ATP10B: variants seen among roughly 807,000 people sequenced by gnomAD.
The protein encoded by ATP10B is ATPase phospholipid transporting 10B (putative), also known as phospholipid-transporting ATPase VB.
In ATP10B, 122 loss-of-function variants were observed where a neutral mutation model predicts 141.2. That is an observed-to-expected ratio of 0.86 (90% confidence interval 0.75 to 1.00). The LOEUF (loss-of-function observed/expected upper bound fraction) is 1.00, where lower values mean the gene tolerates loss of function less well. Among genes scored for constraint, ATP10B ranks in the 50% least tolerant of loss-of-function variants. ATP10B has a pLI of 0.00. For missense variants in ATP10B, 1,876 were observed against 1,825.3 expected, an observed-to-expected ratio of 1.03 and a Z score of -0.51; for synonymous variants, 685 against 692.0, an observed-to-expected ratio of 0.99 and a Z score of 0.16.
At chr5:160,820,411 CAAA>C (rs950837575) in intron 1 of ATP10B, among the ~76,000 whole-genome samples, 1 of 150,976 alleles carries the variant, frequency 6.6e-6, no homozygotes, top group Non-Finnish European at 1.5e-5. Flanking sequence ...CAGAAAAAAA[CAAA>C]AAAAAGCCTG....
the ATP10B span, among the ~76,000 whole-genome samples, chr5:160,884,359 C>T: frequency 2.0e-5 from 3 of 152,064 alleles, no homozygotes; most frequent in African/African-American, 4.8e-5. Flanking sequence ...CAGTATTTTC[C>T]AAGAAGGGGA....
rs747448772 is a variant in ATP10B, at chr5:160,612,794, A to C, written c.2785T>G (p.Cys929Gly). 1.2e-6 allele frequency: 2 copies of C among 1,614,078 alleles called. No homozygotes were observed. ...GTGTCGGTCTGATTTAACAGTCTGC[A>C]GGAATGGGCAATGTTGACCGCTGTC... ...QETAVNIAHS[C>G]RLLNQTDTVY... Residue 929 changes from cysteine to glycine, a missense_variant, in exon 18 of 26, where the codon TGC becomes GGC. Coordinates refer to ENST00000327245, the MANE Select transcript of ATP10B (RefSeq NM_025153.3).
At chr5:160,690,179 T>C (rs1763989172) in intron 3 of ATP10B, among the ~76,000 whole-genome samples, 1 of 152,198 alleles carries the variant, frequency 6.6e-6, no homozygotes, top group Non-Finnish European at 1.5e-5. Flanking sequence ...CTGGACACCT[T>C]CCTTACACAT....
At chr5:160,658,917 A>G (rs1761697795) in intron 7 of ATP10B, among the ~76,000 whole-genome samples, 2 of 152,178 alleles carry the variant, frequency 1.3e-5, no homozygotes, top group Non-Finnish European at 2.9e-5. Context: ...TTTGAATTAC[A>G]GTTCTGTCAC....
the ATP10B span, among the ~76,000 whole-genome samples, chr5:160,927,589 G>A: frequency 6.6e-6 from 1 of 152,226 alleles, no homozygotes; most frequent in Non-Finnish European, 1.5e-5. Flanking sequence ...GAGCAGAGGT[G>A]TTGAATGAGA....
chr5:160,712,820 T>C lies in ATP10B; in HGVS notation c.-205+4089A>G, dbSNP rs1765416805. Reference sequence around the variant, plus strand: ...GAGATTCTGGTATGTGGTGTCTTTGTTCTCGTTGGTTTCAAAGAACATCTT... The same window carrying C: ...GAGATTCTGGTATGTGGTGTCTTTGCTCTCGTTGGTTTCAAAGAACATCTT... On this transcript the variant is annotated intron_variant, in intron 3 of 25. Coordinates refer to ENST00000327245, the MANE Select transcript of ATP10B (RefSeq NM_025153.3). 9.2e-5 allele frequency among the ~76,000 whole-genome samples: 2 copies of C among 21,650 alleles called. 1 individual carries two copies. Among genetic ancestry groups the C allele is most frequent in the South Asian group, 4.9e-3 (2 of 410 alleles). The allele number at this position is 21,650 out of a possible 152,430, so 14.2% of individuals were successfully genotyped here. A position where few individuals can be genotyped will look rare whatever the true frequency, so the allele number is the denominator to read the frequency against.
intron 2 of ATP10B, among the ~76,000 whole-genome samples, chr5:160,781,744 C>A (rs1478001138): frequency 6.6e-6 from 1 of 152,098 alleles, no homozygotes; most frequent in Non-Finnish European, 1.5e-5. Flanking sequence ...TTTATTCCTA[C>A]TTTAATTTTC....
At chr5:160,753,364 GA>G (rs1768295485) in intron 2 of ATP10B, among the ~76,000 whole-genome samples, 1 of 152,186 alleles carries the variant, frequency 6.6e-6, no homozygotes, top group African/African-American at 2.4e-5. Context: ...TGTTTACGTG[GA>G]AAATTGCATG....
At chr5:160,625,089 C>G (rs1235524308) in intron 13 of ATP10B, among the ~76,000 whole-genome samples, 2 of 152,194 alleles carry the variant, frequency 1.3e-5, no homozygotes, top group African/African-American at 4.8e-5. Flanking sequence ...CCATCATCCT[C>G]CCAATTGTCT....
At chr5:160,619,390 G>A (rs1177186313) in intron 15 of ATP10B, among the ~76,000 whole-genome samples, 1 of 152,176 alleles carries the variant, frequency 6.6e-6, no homozygotes, top group Non-Finnish European at 1.5e-5. Context: ...CAAATAAAGA[G>A]ACATCTCCAG....
At chr5:160,607,428 A>G (rs1757456937) in intron 18 of ATP10B, among the ~76,000 whole-genome samples, 2 of 152,208 alleles carry the variant, frequency 1.3e-5, no homozygotes, top group Non-Finnish European at 2.9e-5. Context: ...GGTGCTTTCT[A>G]TTTCTCACAG....
chr5:160,649,680 C>T (rs1760562559), intron 7 of ATP10B, among the ~76,000 whole-genome samples: 1 of 152,278 alleles, frequency 6.6e-6, no homozygotes, highest in East Asian at 1.9e-4. Flanking sequence ...TTTAATTAAG[C>T]TTAAATAGCT....
At chr5:160,849,715 T>C (rs1177398164) in intron 1 of ATP10B, among the ~76,000 whole-genome samples, 2 of 151,938 alleles carry the variant, frequency 1.3e-5, no homozygotes, top group Non-Finnish European at 2.9e-5. Flanking sequence ...AGAACTGTAA[T>C]TCATATGCAA....
intron 13 of ATP10B, among the ~76,000 whole-genome samples, chr5:160,627,778 C>G (rs1307839698): frequency 1.3e-5 from 2 of 152,162 alleles, no homozygotes; most frequent in Admixed American, 1.3e-4. Flanking sequence ...GTTAAAAAAG[C>G]ACAGTCCTAA....
At chr5:160,751,526 A>G (rs755258604) in intron 2 of ATP10B, among the ~76,000 whole-genome samples, 1 of 151,944 alleles carries the variant, frequency 6.6e-6, no homozygotes. Context: ...ATCTCTTCCT[A>G]TAACTAGGAA....
chr5:160,771,285 AC>A (rs1769880125), intron 2 of ATP10B, among the ~76,000 whole-genome samples: 1 of 152,186 alleles, frequency 6.6e-6, no homozygotes, highest in Non-Finnish European at 1.5e-5. Flanking sequence ...AGTGGCTTAC[AC>A]CTCATGCTGA....
intron 2 of ATP10B, among the ~76,000 whole-genome samples, chr5:160,760,252 C>T (rs1265107952): frequency 6.6e-6 from 1 of 152,132 alleles, no homozygotes; most frequent in African/African-American, 2.4e-5. Context: ...GCTTGTAGCT[C>T]AGCAAAAGGA....
chr5:160,923,082 A>G, the ATP10B span, among the ~76,000 whole-genome samples: 1 of 152,258 alleles, frequency 6.6e-6, no homozygotes, highest in Non-Finnish European at 1.5e-5. Flanking sequence ...GAATAGACAG[A>G]GCAGAAGAGA....
At chr5:160,754,986 T>C (rs1768421634) in intron 2 of ATP10B, among the ~76,000 whole-genome samples, 1 of 152,248 alleles carries the variant, frequency 6.6e-6, no homozygotes, top group South Asian at 2.1e-4. Flanking sequence ...AGAAATGCTG[T>C]AATAGTCCAT....
Sources: allele counts gnomAD v4.1 joint callset (sites outside exome capture counted in the v4.1 genomes callset), GRCh38; gene constraint gnomAD v4.1.1; transcripts MANE v1.5; gene names NCBI Gene and HGNC (gene_info 2026-07-23, HGNC 2026-07-21).